Variants in NIT1 observed in about 807,000 individuals in gnomAD.
NIT1 encodes the protein deaminated glutathione amidase.
NIT1 carries 30 observed loss-of-function variants against 36.8 expected under a neutral mutation model. That is an observed-to-expected ratio of 0.82 (90% CI 0.61 to 1.11). The LOEUF is 1.11. NIT1 is among the 50% of genes least tolerant of loss of function. The pLI, the probability that NIT1 is intolerant of heterozygous loss-of-function variation, is 0.00. For missense variants in NIT1, 438 were observed against 410.6 expected (o/e 1.07, Z -0.58); for synonymous variants, 151 against 155.6 (o/e 0.97, Z 0.22).
downstream of NIT1, chr1:161,122,966 C>T (rs780218843): frequency 6.3e-7 from 1 of 1,597,056 alleles, no homozygotes; most frequent in Non-Finnish European, 8.6e-7. The surrounding 1 kb of genome is among the most constrained non-coding windows in gnomAD (Gnocchi z 4.2). Flanking sequence ...TTTGCAATGG[C>T]AATCAAAGTG....
Position 161,120,221 on chromosome 1 carries a change from G to C in NIT1, c.706G>C (p.Ala236Pro), listed in dbSNP as rs201971149. The C allele has an allele frequency of 3.8e-5, 62 of 1,614,046 alleles. No homozygotes were observed. In the East Asian group the frequency reaches 1.3e-3, roughly 34 times the overall value. ...AGCTTTTGGATCCATTACAGGCCCA[G>C]CCCACTGGGAGGTAAGATGATGCCT... ...PSAFGSITGP[A>P]HWEVLLRARA... Residue 236 changes from alanine to proline, a missense_variant, in exon 6 of 7, where the codon GCC (alanine) becomes CCC (proline). Ala to Pro is a conservative substitution (Grantham distance 27). Transcript: ENST00000368009.
At position 161,119,146 on chromosome 1, in the gene NIT1, G is replaced by A. The variant is rs144963228; in HGVS notation, c.111G>A (p.Met37Ile). 193 of 1,613,788 alleles carry A rather than the reference G, an allele frequency of 1.2e-4. No homozygotes were observed. Among genetic ancestry groups the A allele is most frequent in the Non-Finnish European group, 2.4e-5 (28 of 1,180,040 alleles). ...ATGCTGTTCACAGGCCCAGAGCCAT[G>A]GCTATCTCCTCTTCCTCCTGCGAAC... ...VLCAQPRPRAMAISSSSCELP... is the reference protein window; with the variant it reads ...VLCAQPRPRAIAISSSSCELP... Residue 37 changes from methionine (M) to isoleucine (I), a missense_variant, in exon 3 of 7, where the codon ATG (methionine) becomes ATA (isoleucine). Transcript: ENST00000368009.
intron 5 of NIT1, 49 bp from the exon 6 acceptor site, chr1:161,120,058 G>C (rs1368242671): frequency 6.2e-7 from 1 of 1,612,260 alleles, no homozygotes; most frequent in Non-Finnish European, 8.5e-7. Flanking sequence ...ACTAGATGCT[G>C]TGACAAACAG....
chr1:161,120,553 C>G lies in NIT1; in HGVS notation c.772C>G (p.Gln258Glu). ...CCAGTGCTATGTAGTGGCAGCAGCA[C>G]AGTGTGGACGCCACCATGAGAAGAG... ...ETQCYVVAAAQCGRHHEKRAS... is the reference protein window; with the variant it reads ...ETQCYVVAAAECGRHHEKRAS... The change falls in exon 7 of 7, where the codon CAG becomes GAG. Residue 258 changes from glutamine (Q) to glutamate (E), a missense_variant. By Grantham distance (29) the Gln-to-Glu change is conservative. Transcript: ENST00000368009. The G allele has an allele frequency of 6.2e-7, 1 of 1,614,190 alleles. No homozygotes were observed. Among genetic ancestry groups the G allele is most frequent in the Non-Finnish European group, 8.5e-7 (1 of 1,180,030 alleles).
chr1:161,120,792 G>GCCCCCCCC lies in NIT1; in HGVS notation c.*31_*32insCCCCCCCC. On this transcript the variant is annotated 3_prime_UTR_variant, in exon 7 of 7. Transcript: ENST00000368009. ...ACTTGACTTCTGTGAGTTTAGACCT[G>GCCCCCCCC]CCCCTCCCACCCCCACCCTGCCACT... is the stretch of plus-strand genomic sequence containing the variant. 6.3e-7 allele frequency: 1 copy of GCCCCCCCC among 1,598,774 alleles called. No homozygotes were observed. Among genetic ancestry groups the GCCCCCCCC allele is most frequent in the African/African-American group, 1.3e-5 (1 of 74,894 alleles).
rs1232929066 is a variant in NIT1 at position 161,120,706 on chromosome 1, C to T, written c.925C>T (p.Pro309Ser). Residue 309 changes from proline (P) to serine (S), a missense_variant, in exon 7 of 7, where the codon CCT (proline) becomes TCT (serine). Pro to Ser is a moderately conservative substitution (Grantham distance 74). Coordinates refer to ENST00000368009, the MANE Select transcript of NIT1 (RefSeq NM_005600.3). ...TCTGCGACAGTTGCGCCGACACCTG[C>T]CTGTGTTCCAGCACCGCAGGCCTGA... ...NYLRQLRRHL[P>S]VFQHRRPDLY... is the part of the protein sequence containing the mutation. The T allele has an allele frequency of 6.2e-7, 1 of 1,614,052 alleles. No individual in the cohort carries two copies.
Position 161,119,511 on chromosome 1 carries a change from A to G in NIT1, c.356A>G (p.Glu119Gly). 6.2e-7 allele frequency: 1 copy of G among 1,614,038 alleles called. No homozygotes were observed. The highest frequency in any genetic ancestry group is 8.5e-7 in the Non-Finnish European group (1 of 1,179,920). ...TTGTCAGTGTCCCTTCCCCCCAGGG[A>G]ATGTGGACTCTGGCTGTCCTTGGGT... ...LLEEYTQLARECGLWLSLGGF... is the reference protein window; with the variant it reads ...LLEEYTQLARGCGLWLSLGGF... Residue 119 changes from glutamate to glycine, a missense_variant and splice_region_variant, in exon 4 of 7, where the codon GAA (glutamate) becomes GGA (glycine). Transcript: ENST00000368009.
rs931035041 is a variant in NIT1, at chr1:161,120,128, G to C, written c.613G>C (p.Asp205His). 1 of 1,614,182 alleles carries C rather than the reference G, an allele frequency of 6.2e-7. No homozygotes were observed. Among genetic ancestry groups the C allele is most frequent in the African/African-American group, 1.3e-5 (1 of 75,036 alleles). Reference sequence around the variant, plus strand: ...CCAGATTGGTCTAGCTGTCTGCTATGACATGCGGTTCCCTGAACTCTCTCT... The same window carrying C: ...CCAGATTGGTCTAGCTGTCTGCTATCACATGCGGTTCCCTGAACTCTCTCT... ...AGKIGLAVCY[D>H]MRFPELSLAL... The change falls in exon 6 of 7, where the codon GAC (aspartate) becomes CAC (histidine). Residue 205 changes from aspartate to histidine, a missense_variant. By Grantham distance (81) the Asp-to-His change is moderately conservative. Transcript: ENST00000368009.
downstream of NIT1, chr1:161,124,086 T>C: frequency 6.3e-7 from 1 of 1,585,686 alleles, no homozygotes; most frequent in Admixed American, 1.7e-5. Flanking sequence ...ATGCTGCTCC[T>C]TCCTGGCCTC....
At chr1:161,122,868 G>T, downstream of NIT1, 1 of 899,532 alleles carries the variant, frequency 1.1e-6, no homozygotes, top group Non-Finnish European at 1.7e-6. This position sits in a 1 kb window ranked among gnomAD's most constrained non-coding sequence, Gnocchi z 4.2. Context: ...TCCCTGTGAT[G>T]TAGTATTAAC....
intron 1 of NIT1, chr1:161,118,475 G>C: frequency 6.5e-7 from 1 of 1,536,190 alleles, no homozygotes; most frequent in Non-Finnish European, 8.7e-7. Context: ...AGAGTCTTGG[G>C]AAAACCAAGG....
In NIT1 at chr1:161,120,737, A is replaced by G. The variant is rs763114911; in HGVS notation, c.956A>G (p.Tyr319Cys). 22 of 1,613,674 alleles carry G rather than the reference A, an allele frequency of 1.4e-5. No homozygotes were observed. Among genetic ancestry groups the G allele is most frequent in the South Asian group, 1.3e-4 (12 of 91,092 alleles). The change falls in exon 7 of 7, where the codon TAT (tyrosine) becomes TGT (cysteine). Residue 319 changes from tyrosine (Y) to cysteine (C), a missense_variant. Tyr to Cys is a radical substitution (Grantham distance 194). Transcript: ENST00000368009. ...PVFQHRRPDLYGNLGHPLS is the reference protein window; with the variant it reads ...PVFQHRRPDLCGNLGHPLS ...TTCCAGCACCGCAGGCCTGACCTCT[A>G]TGGCAATCTGGGTCACCCACTGTCT...
rs192645335 is a variant in NIT1, at chr1:161,120,096, T to C, written c.592-11T>C. 49 of 1,614,108 alleles carry C rather than the reference T, an allele frequency of 3.0e-5. No homozygotes were observed. Among genetic ancestry groups the C allele is most frequent in the Admixed American group, 1.3e-4 (8 of 60,012 alleles). On this transcript the variant is annotated splice_polypyrimidine_tract_variant and intron_variant, in intron 5 of 6. Coordinates refer to ENST00000368009, the MANE Select transcript of NIT1 (RefSeq NM_005600.3). ...CAGGAAGACTACTAAGTAGGCTGTT[T>C]TTCATTCCAGATTGGTCTAGCTGTC...
intron 1 of NIT1, chr1:161,118,416 G>C: frequency 1.3e-6 from 2 of 1,535,016 alleles, no homozygotes; most frequent in Non-Finnish European, 1.7e-6. Context: ...TGGTGAAAGG[G>C]GAAATATGCT....
chr1:161,123,738 G>C, downstream of NIT1: 1 of 1,032,318 alleles, frequency 9.7e-7, no homozygotes, highest in Non-Finnish European at 1.4e-6. Context: ...AGATGTGGGC[G>C]CACAGCATCC....
At chr1:161,121,280 C>G, downstream of NIT1, 1 of 688,164 alleles carries the variant, frequency 1.5e-6, no homozygotes, top group Non-Finnish European at 1.8e-6. Flanking sequence ...ACTTCACTTA[C>G]ACCTATGATG....
chr1:161,122,153 C>A, downstream of NIT1: 1 of 1,612,858 alleles, frequency 6.2e-7, no homozygotes, highest in Non-Finnish European at 8.5e-7. The surrounding 1 kb of genome is among the most constrained non-coding windows in gnomAD (Gnocchi z 4.2). Context: ...TAGGTCAGGG[C>A]AATGCTTGCA....
In NIT1 at chr1:161,120,789, C is replaced by A. The variant is rs147479232; in HGVS notation, c.*24C>A. On this transcript the variant is annotated 3_prime_UTR_variant, in exon 7 of 7. Transcript: ENST00000368009. ...AAGACTTGACTTCTGTGAGTTTAGA[C>A]CTGCCCCTCCCACCCCCACCCTGCC... 1.2e-6 allele frequency: 2 copies of A among 1,600,616 alleles called. No homozygotes were observed. Among genetic ancestry groups the A allele is most frequent in the Non-Finnish European group, 8.5e-7 (1 of 1,173,662 alleles).
rs1655422611 is a variant in NIT1 at position 161,120,911 on chromosome 1, T to C, written c.*146T>C. 7.0e-6 allele frequency: 10 copies of C among 1,431,472 alleles called. No individual in the cohort carries two copies. The highest frequency in any genetic ancestry group is 9.1e-6 in the Non-Finnish European group (10 of 1,096,802). 88.7% of individuals were successfully genotyped at this position (1,431,472 alleles called of 1,614,324 possible). On this transcript the variant is annotated 3_prime_UTR_variant, in exon 7 of 7. Coordinates refer to ENST00000368009, the MANE Select transcript of NIT1 (RefSeq NM_005600.3). The stretch of plus-strand genomic sequence containing the variant: ...CTCTCTTGATGGAACACAGATGGGC[T>C]GCTTGGGAAAGAAACTTTCACCTGA...
Sources: allele counts gnomAD v4.1 joint callset, GRCh38; gene constraint gnomAD v4.1.1; non-coding constraint Gnocchi (gnomAD v3.1); transcripts MANE v1.5; gene names NCBI Gene and HGNC (gene_info 2026-07-23, HGNC 2026-07-21).